Variants in AGBL1 observed in about 807,000 individuals in gnomAD.
AGBL1 encodes AGBL carboxypeptidase 1.
Under a neutral mutation model 118.9 loss-of-function variants are expected in AGBL1, and 130 were observed. The ratio of observed to expected loss-of-function variants is 1.09; its 90% CI spans 0.95 to 1.26. AGBL1 has a LOEUF of 1.26. Ranked by LOEUF, AGBL1 falls within the 50% of genes most tolerant of loss-of-function variation. The pLI is 0.00. For missense variants in AGBL1, 1,584 were observed against 1,298.1 expected (o/e 1.22, Z -3.38); for synonymous variants, 555 against 478.9 (o/e 1.16, Z -2.08).
intron 19 of AGBL1, among the ~76,000 whole-genome samples, chr15:86,533,196 T>G (rs1316249147): frequency 1.5e-5 from 1 of 68,928 alleles, no homozygotes; most frequent in Non-Finnish European, 2.4e-5. Flanking sequence ...GGGAGAAAAT[T>G]TTCACAACCT....
At chr15:86,771,985 A>G (rs1405839335) in intron 22 of AGBL1, among the ~76,000 whole-genome samples, 1 of 151,974 alleles carries the variant, frequency 6.6e-6, no homozygotes, top group African/African-American at 2.4e-5. Context: ...TAAGGGCCTG[A>G]GAGGGGCAGA....
chr15:86,274,246 G>T (rs974988323), intron 15 of AGBL1, among the ~76,000 whole-genome samples: 1 of 152,106 alleles, frequency 6.6e-6, no homozygotes, highest in African/African-American at 2.4e-5. Context: ...ACCATTAGAT[G>T]TAGTTATAAA....
intron 22 of AGBL1, among the ~76,000 whole-genome samples, chr15:86,696,929 A>G (rs2086272581): frequency 6.6e-6 from 1 of 151,990 alleles, no homozygotes; most frequent in South Asian, 2.1e-4. Context: ...ATAGGGCCCC[A>G]ATCCTTTTTA....
At chr15:86,734,550 T>C (rs1005124483) in intron 22 of AGBL1, among the ~76,000 whole-genome samples, 2 of 152,154 alleles carry the variant, frequency 1.3e-5, no homozygotes, top group Non-Finnish European at 2.9e-5. Context: ...GAAGGAAAGC[T>C]AGGTAGAAAT....
chr15:86,295,664 A>C (rs2079624167), intron 17 of AGBL1: 2 of 303,594 alleles, frequency 6.6e-6, no homozygotes, highest in Middle Eastern at 9.4e-4. Flanking sequence ...AATGATGGTC[A>C]CTTCCTCTCT....
intron 24 of AGBL1, among the ~76,000 whole-genome samples, chr15:87,021,058 A>G (rs1205302093): frequency 2.6e-5 from 4 of 152,182 alleles, no homozygotes; most frequent in African/African-American, 9.7e-5. Context: ...CCTAAGCAAA[A>G]AGAGCAAAGC....
At chr15:86,812,848 G>C (rs571092359) in intron 22 of AGBL1, among the ~76,000 whole-genome samples, 125 of 152,244 alleles carry the variant, frequency 8.2e-4, no homozygotes, top group African/African-American at 3.0e-3. Flanking sequence ...AAAGGTATGC[G>C]TGGCAGGTAA....
chr15:86,082,872 G>C (rs536327773), intron 1 of AGBL1, among the ~76,000 whole-genome samples: 5 of 152,332 alleles, frequency 3.3e-5, no homozygotes, highest in African/African-American at 1.2e-4. Context: ...CCACAGCACA[G>C]GTGCGAGAGG....
chr15:86,435,414 G>A (rs141177767), intron 18 of AGBL1, among the ~76,000 whole-genome samples: 2 of 152,300 alleles, frequency 1.3e-5, no homozygotes, highest in African/African-American at 4.8e-5. Flanking sequence ...ATTGCCGGAT[G>A]AGAGTCAATA....
intron 5 of AGBL1, among the ~76,000 whole-genome samples, chr15:86,196,885 A>ATG: frequency 2.3e-5 from 2 of 86,636 alleles, no homozygotes; most frequent in Admixed American, 2.0e-4. Flanking sequence ...GCGCGCACAC[A>ATG]CACACACACA....
chr15:86,394,272 T>G (rs904490381), intron 17 of AGBL1, among the ~76,000 whole-genome samples: 3 of 152,136 alleles, frequency 2.0e-5, no homozygotes, highest in African/African-American at 4.8e-5. Flanking sequence ...TATAATAATT[T>G]CAGAATTCGT....
At chr15:86,838,965 AAG>A (rs1555455652) in intron 22 of AGBL1, among the ~76,000 whole-genome samples, 2 of 149,420 alleles carry the variant, frequency 1.3e-5, no homozygotes, top group African/African-American at 4.9e-5. Flanking sequence ...AAAAAAAAAA[AAG>A]AAAGAAATGT....
At chr15:86,823,424 T>G (rs1216833091) in intron 22 of AGBL1, among the ~76,000 whole-genome samples, 1 of 152,162 alleles carries the variant, frequency 6.6e-6, no homozygotes, top group Non-Finnish European at 1.5e-5. Context: ...TTGCAATATC[T>G]CACCTGAAGA....
intron 22 of AGBL1, among the ~76,000 whole-genome samples, chr15:86,886,891 A>G (rs2079978296): frequency 6.6e-6 from 1 of 152,168 alleles, no homozygotes; most frequent in South Asian, 2.1e-4. Flanking sequence ...GAAATAAGTA[A>G]AGACGAGGTT....
At chr15:86,436,168 G>A (rs961536635) in intron 18 of AGBL1, among the ~76,000 whole-genome samples, 13 of 113,628 alleles carry the variant, frequency 1.1e-4, no homozygotes, top group South Asian at 3.0e-4. Flanking sequence ...GAAAATTATT[G>A]TCTTACCGCT....
At chr15:86,612,556 T>C (rs1176807995) in intron 21 of AGBL1, among the ~76,000 whole-genome samples, 2 of 152,150 alleles carry the variant, frequency 1.3e-5, no homozygotes, top group Admixed American at 6.5e-5. Context: ...AGACTCATTA[T>C]AGCAAGAAAA....
At chr15:87,002,753 G>A (rs1237937255) in intron 24 of AGBL1, among the ~76,000 whole-genome samples, 1 of 152,170 alleles carries the variant, frequency 6.6e-6, no homozygotes, top group Non-Finnish European at 1.5e-5. Flanking sequence ...GTGAATGAGA[G>A]TTCACTCATG....
chr15:86,917,868 A>G (rs1260990211), downstream of AGBL1, among the ~76,000 whole-genome samples: 2 of 151,670 alleles, frequency 1.3e-5, no homozygotes, highest in Admixed American at 6.6e-5. This position sits in a 1 kb window ranked among gnomAD's most constrained non-coding sequence, Gnocchi z 4.8. Context: ...CTGACTCATA[A>G]AAAAGTGATG....
rs757522346 is a variant in AGBL1 at position 86,613,334 on chromosome 15, C to T, written c.2994+58797C>T. The stretch of plus-strand genomic sequence containing the variant: ...CGAGGTCCCATGAACTTGTAGGTGA[C>T]TTTAGCTGGATCTAATGGGGCAGTA... On this transcript the variant is annotated intron_variant, in intron 21 of 22. Transcript: ENST00000614907. The surrounding 1 kb of genome is among the most constrained non-coding windows in gnomAD (Gnocchi z 4.2). Among the ~76,000 whole-genome samples the T allele has an allele frequency of 6.6e-6, 1 of 152,146 alleles. No homozygotes were observed. The highest frequency in any genetic ancestry group is 1.9e-4 in the East Asian group (1 of 5,180).
Sources: gnomAD v4.1 joint callset for allele counts (sites outside exome capture counted in the v4.1 genomes callset) on GRCh38, gnomAD v4.1.1 for gene constraint, Gnocchi (gnomAD v3.1) non-coding constraint, MANE v1.5 for transcripts, NCBI Gene and HGNC (gene_info 2026-07-23, HGNC 2026-07-21) for gene names.